PDE4D: variants seen among roughly 807,000 people sequenced by gnomAD.
PDE4D encodes 3',5'-cyclic-AMP phosphodiesterase 4D.
In PDE4D, 24 loss-of-function variants were observed where a neutral mutation model predicts 87.4. That is an observed-to-expected ratio of 0.27 (90% CI 0.20 to 0.39). PDE4D has a LOEUF of 0.39. PDE4D is among the 10% of genes least tolerant of loss of function. The pLI is 1.00. For missense variants in PDE4D, 714 were observed against 1,041.0 expected (o/e 0.69, Z 4.32); for synonymous variants, 384 against 383.2 (o/e 1.00, Z -0.02).
At chr5:60,192,437 C>T (rs1785269665) in intron 1 of PDE4D, among the ~76,000 whole-genome samples, 1 of 152,004 alleles carries the variant, frequency 6.6e-6, no homozygotes, top group South Asian at 2.1e-4. Context: ...CAGGAAGTAA[C>T]TTGAAATATG....
chr5:60,487,285 G>A (rs1288012635), intron 1 of PDE4D, among the ~76,000 whole-genome samples: 1 of 152,176 alleles, frequency 6.6e-6, no homozygotes, highest in African/African-American at 2.4e-5. Flanking sequence ...GGTTGTGTCT[G>A]TATGTGTTTA....
intron 5 of PDE4D, among the ~76,000 whole-genome samples, chr5:59,117,045 A>C (rs1191393627): frequency 6.6e-6 from 1 of 152,226 alleles, no homozygotes; most frequent in Non-Finnish European, 1.5e-5. Flanking sequence ...TATAGTACAC[A>C]GTGGCTCCAT....
intron 1 of PDE4D, chr5:59,275,494 C>A: frequency 6.6e-7 from 1 of 1,521,582 alleles, no homozygotes; most frequent in Non-Finnish European, 8.8e-7. Flanking sequence ...TAAAGATATT[C>A]CATTTCCAAG....
At chr5:60,368,662 G>C (rs1488088009) in intron 1 of PDE4D, among the ~76,000 whole-genome samples, 2 of 152,180 alleles carry the variant, frequency 1.3e-5, no homozygotes, top group Non-Finnish European at 2.9e-5. Context: ...CCCAGTGTTA[G>C]AGGAGGGGCC....
At chr5:59,451,972 A>G (rs1264584755) in intron 1 of PDE4D, among the ~76,000 whole-genome samples, 1 of 152,220 alleles carries the variant, frequency 6.6e-6, no homozygotes, top group African/African-American at 2.4e-5. Context: ...ATGATCTAGA[A>G]AAACCTTGTC....
At chr5:59,742,009 CTGT>C (rs1394851611) in intron 1 of PDE4D, among the ~76,000 whole-genome samples, 1 of 152,242 alleles carries the variant, frequency 6.6e-6, no homozygotes, top group Non-Finnish European at 1.5e-5. Context: ...ACCAGTATTA[CTGT>C]TGTTGTTACT....
chr5:59,525,846 C>T (rs913742128), intron 1 of PDE4D, among the ~76,000 whole-genome samples: 5 of 152,080 alleles, frequency 3.3e-5, no homozygotes. Context: ...CCTCCCCTGC[C>T]GCCATGTGAA....
chr5:59,724,512 C>T (rs1376686825), intron 1 of PDE4D, among the ~76,000 whole-genome samples: 1 of 151,968 alleles, frequency 6.6e-6, no homozygotes, highest in Non-Finnish European at 1.5e-5. Flanking sequence ...GATTTTCAAG[C>T]AAGACTGGAA....
At chr5:59,094,386 T>C (rs1267237238) in intron 5 of PDE4D, among the ~76,000 whole-genome samples, 3 of 151,180 alleles carry the variant, frequency 2.0e-5, no homozygotes, top group Non-Finnish European at 4.4e-5. Context: ...AGAAAACAAT[T>C]AAGAAATTAA....
At chr5:60,292,146 CATT>C (rs1233594652) in intron 1 of PDE4D, among the ~76,000 whole-genome samples, 10 of 152,078 alleles carry the variant, frequency 6.6e-5, no homozygotes, top group Non-Finnish European at 1.5e-4. Flanking sequence ...TCTCTATAGA[CATT>C]ATTTTTCTGA....
Position 59,928,398 on chromosome 5 carries a change from T to C in PDE4D, c.272+60090A>G, listed in dbSNP as rs184876002. On this transcript the variant is annotated intron_variant, in intron 3 of 16. Transcript: ENST00000502484. ...TTTGAGACCAGCCTGGCCAACATCC[T>C]GAGACACCGTCTCTACCGAAAATAC... Among the ~76,000 whole-genome samples, 116 of 152,102 alleles carry C rather than the reference T, an allele frequency of 7.6e-4. 1 individual carries two copies. Among genetic ancestry groups the C allele is most frequent in the Non-Finnish European group, 1.5e-4 (10 of 67,980 alleles).
At chr5:59,815,923 G>T (rs1268055840) in intron 1 of PDE4D, among the ~76,000 whole-genome samples, 1 of 152,170 alleles carries the variant, frequency 6.6e-6, no homozygotes, top group African/African-American at 2.4e-5. Context: ...TGTAAAAATT[G>T]TGAATATTGT....
intron 1 of PDE4D, among the ~76,000 whole-genome samples, chr5:59,825,080 C>T (rs1770158017): frequency 6.6e-6 from 1 of 152,140 alleles, no homozygotes; most frequent in Non-Finnish European, 1.5e-5. Flanking sequence ...CTGATGTCTA[C>T]TGGTCTCTGC....
intron 1 of PDE4D, among the ~76,000 whole-genome samples, chr5:59,794,731 T>C (rs188324447): frequency 9.3e-4 from 141 of 152,234 alleles, no homozygotes; most frequent in Middle Eastern, 3.4e-3. Context: ...AACAACTCTT[T>C]GTGACAACAG....
chr5:60,175,156 T>TCTACC (rs1402701011), intron 2 of PDE4D, among the ~76,000 whole-genome samples: 1 of 152,142 alleles, frequency 6.6e-6, no homozygotes, highest in Non-Finnish European at 1.5e-5. Context: ...TTGGGTAATT[T>TCTACC]CTACTGACTT....
intron 3 of PDE4D, among the ~76,000 whole-genome samples, chr5:59,916,020 CTATAACCAAG>C (rs1754002899): frequency 6.6e-6 from 1 of 152,200 alleles, no homozygotes; most frequent in South Asian, 2.1e-4. Flanking sequence ...CCAGAACTAT[CTATAACCAAG>C]TTAGTTCCAT....
intron 1 of PDE4D, among the ~76,000 whole-genome samples, chr5:59,655,338 T>C (rs991555012): frequency 3.6e-4 from 55 of 152,168 alleles, no homozygotes; most frequent in African/African-American, 1.2e-3. Flanking sequence ...GTTCCAAATA[T>C]TGCCAATAAA....
At chr5:59,761,137 GTA>G (rs1761914896) in intron 1 of PDE4D, among the ~76,000 whole-genome samples, 1 of 152,240 alleles carries the variant, frequency 6.6e-6, no homozygotes, top group East Asian at 1.9e-4. Context: ...CAATGGTTAA[GTA>G]TTTGTATATC....
rs542619671 is a variant in PDE4D at position 59,766,142 on chromosome 5, G to T, written c.455+127026C>A. ...TAGCACAAACTGTGAAAGCACAAAT[G>T]AGATTTTTGTCAAAAGATGCCTGTG... On this transcript the variant is annotated intron_variant, in intron 1 of 14. Transcript: ENST00000340635. Among the ~76,000 whole-genome samples the T allele has an allele frequency of 1.8e-3, 276 of 152,320 alleles. 2 individuals carry two copies. Among genetic ancestry groups the T allele is most frequent in the Admixed American group, 2.5e-3 (39 of 15,306 alleles).
Sources: allele counts gnomAD v4.1 joint callset (sites outside exome capture counted in the v4.1 genomes callset), GRCh38; gene constraint gnomAD v4.1.1; transcripts MANE v1.5; gene names NCBI Gene and HGNC (gene_info 2026-07-23, HGNC 2026-07-21).